The following RTN1 variants were observed in gnomAD, a reference collection of about 807,000 sequenced individuals.
The protein encoded by RTN1 is reticulon-1.
Under a neutral mutation model 65.5 loss-of-function variants are expected in RTN1, and 25 were observed. That is an observed-to-expected ratio of 0.38 (90% CI 0.28 to 0.53). RTN1 has a LOEUF of 0.53. Ranked by LOEUF, RTN1 falls within the 20% of genes least tolerant of loss-of-function variation. The probability of loss-of-function intolerance (pLI) is 0.79; values close to 1 mark genes in which losing one functional copy is unlikely to be tolerated. For synonymous variants in RTN1, 471 were observed against 447.6 expected (o/e 1.05, Z -0.66); for missense variants, 983 against 1,025.4 (o/e 0.96, Z 0.57).
intron 3 of RTN1, among the ~76,000 whole-genome samples, chr14:59,609,431 T>A (rs902724158): frequency 6.6e-6 from 1 of 152,182 alleles, no homozygotes; most frequent in Non-Finnish European, 1.5e-5. Flanking sequence ...TGATTTTTCT[T>A]TTAGAAGGGT....
chr14:59,625,951 A>C (rs1333898606), intron 3 of RTN1, among the ~76,000 whole-genome samples: 2 of 152,180 alleles, frequency 1.3e-5, no homozygotes, highest in Non-Finnish European at 1.5e-5. Flanking sequence ...TCCCCAGCTA[A>C]GGCAGTTTTC....
In RTN1 at chr14:59,726,944, TG is replaced by T; in HGVS notation, c.1739del (p.Pro580HisfsTer36). The T allele has an allele frequency of 6.2e-7, 1 of 1,612,810 alleles. No homozygotes were observed. Among genetic ancestry groups the T allele is most frequent in the Non-Finnish European group, 8.5e-7 (1 of 1,179,512 alleles). On this transcript the variant is annotated frameshift_variant, in exon 3 of 9. Coordinates refer to ENST00000267484, the MANE Select transcript of RTN1 (RefSeq NM_021136.3). LOFTEE classifies it high-confidence loss of function. ...CTTTTTGCTTATTGAGAAACAGCAG[TG>T]GGGGCGGGGCGCCAGGACCTAGAGG... ...PGPLGPGAPP[P>X]LLFLNKQKAI...
rs368545749 is a variant in RTN1, at chr14:59,715,111, G to T, written c.1765+11808C>A. On this transcript the variant is annotated intron_variant, in intron 3 of 8. Coordinates refer to ENST00000267484, the MANE Select transcript of RTN1 (RefSeq NM_021136.3). Reference sequence around the variant, plus strand: ...GAAACTTGTCCCTGGTACCAAAAGGGTTGGGGACTACTGATATAAACTACA... The same window carrying T: ...GAAACTTGTCCCTGGTACCAAAAGGTTTGGGGACTACTGATATAAACTACA... 4.7e-4 allele frequency among the ~76,000 whole-genome samples: 72 copies of T among 152,318 alleles called. No individual in the cohort carries two copies. In the South Asian group the frequency reaches 8.7e-3, roughly 18 times the overall value.
Position 59,727,097 on chromosome 14 carries a change from C to A in RTN1, c.1587G>T (p.Glu529Asp), listed in dbSNP as rs780538832. Residue 529 changes from glutamate (E) to aspartate (D), a missense_variant, in exon 3 of 9, where the codon GAG (glutamate) becomes GAT (aspartate). By Grantham distance (45) the Glu-to-Asp change is conservative. Transcript: ENST00000267484. The surrounding 1 kb of genome is among the most constrained non-coding windows in gnomAD (Gnocchi z 4.2). The stretch of plus-strand genomic sequence containing the variant: ...GGGGCAGCTCGGGGCCAGGCTGGGG[C>A]TCAGTTGAGGGGTAGTCGAGGAAGG... ...PGSFLDYPST[E>D]PQPGPELPPG... The A allele has an allele frequency of 3.1e-6, 5 of 1,611,092 alleles. No homozygotes were observed. Among genetic ancestry groups the A allele is most frequent in the Non-Finnish European group, 4.2e-6 (5 of 1,178,640 alleles).
Position 59,836,815 on chromosome 14 carries a change from G to A in RTN1, c.241+33575C>T, listed in dbSNP as rs1887220354. ...GTGCTTAGACAAACCAATCCAAAAGGTTCTAGGTGAAAAGGAAGGGAGTGA... is the reference window on the plus strand; with the variant it reads ...GTGCTTAGACAAACCAATCCAAAAGATTCTAGGTGAAAAGGAAGGGAGTGA... On this transcript the variant is annotated intron_variant, in intron 1 of 8. Coordinates refer to ENST00000267484, the MANE Select transcript of RTN1 (RefSeq NM_021136.3). The surrounding 1 kb of genome is among the most constrained non-coding windows in gnomAD (Gnocchi z 4.9). Among the ~76,000 whole-genome samples the A allele has an allele frequency of 6.6e-6, 1 of 152,086 alleles. No individual in the cohort carries two copies. The highest frequency in any genetic ancestry group is 2.4e-5 in the African/African-American group (1 of 41,402).
intron 3 of RTN1, among the ~76,000 whole-genome samples, chr14:59,670,247 T>G (rs1883474496): frequency 6.6e-6 from 1 of 152,206 alleles, no homozygotes; most frequent in South Asian, 2.1e-4. Flanking sequence ...GAATTAGATT[T>G]AAAATAATGA....
chr14:59,662,164 T>C (rs1883262985), intron 3 of RTN1, among the ~76,000 whole-genome samples: 1 of 90,060 alleles, frequency 1.1e-5, no homozygotes, highest in Non-Finnish European at 2.5e-5. Context: ...TTCTTTTTTC[T>C]TTTTTTTTTA....
At chr14:59,806,532 G>T (rs1203596799) in intron 1 of RTN1, among the ~76,000 whole-genome samples, 6 of 152,182 alleles carry the variant, frequency 3.9e-5, no homozygotes, top group African/African-American at 1.2e-4. Context: ...CTTGTGTCAT[G>T]GGGGTTTATA....
At chr14:59,697,514 T>C (rs1054247859) in intron 3 of RTN1, among the ~76,000 whole-genome samples, 1 of 152,160 alleles carries the variant, frequency 6.6e-6, no homozygotes, top group African/African-American at 2.4e-5. Flanking sequence ...ATGTAGGAAG[T>C]GAGTAATCAT....
chr14:59,824,965 T>C (rs943278782), intron 1 of RTN1, among the ~76,000 whole-genome samples: 2 of 152,152 alleles, frequency 1.3e-5, no homozygotes, highest in Non-Finnish European at 2.9e-5. Context: ...GAGAGTAGAA[T>C]GGTGGTTGTC....
chr14:59,674,516 A>C, intron 3 of RTN1, among the ~76,000 whole-genome samples: 1 of 152,258 alleles, frequency 6.6e-6, no homozygotes, highest in East Asian at 1.9e-4. Context: ...GATATTTTAA[A>C]GAGAGCTACA....
At chr14:59,720,836 A>G (rs1884632227) in intron 3 of RTN1, among the ~76,000 whole-genome samples, 1 of 152,096 alleles carries the variant, frequency 6.6e-6, no homozygotes, top group African/African-American at 2.4e-5. Flanking sequence ...TTACTGGTCC[A>G]TCTTGTTGAA....
chr14:59,766,120 C>T lies in RTN1; in HGVS notation c.242-19639G>A, dbSNP rs1594732785. The stretch of plus-strand genomic sequence containing the variant: ...TGGTACACACTTGTAGTCCCAGCTA[C>T]TTGGGAGGCTGAGGCAGGACTATTG... On this transcript the variant is annotated intron_variant, in intron 1 of 8. Coordinates refer to ENST00000267484, the MANE Select transcript of RTN1 (RefSeq NM_021136.3). This position sits in a 1 kb window ranked among gnomAD's most constrained non-coding sequence, Gnocchi z 4.4. Among the ~76,000 whole-genome samples, 2 of 152,010 alleles carry T rather than the reference C, an allele frequency of 1.3e-5. No homozygotes were observed. The highest frequency in any genetic ancestry group is 3.9e-4 in the East Asian group (2 of 5,186).
rs1393208853 is a variant in RTN1, at chr14:59,766,222, G to A, written c.242-19741C>T. On this transcript the variant is annotated intron_variant, in intron 1 of 8. Transcript: ENST00000267484. The surrounding 1 kb of genome is among the most constrained non-coding windows in gnomAD (Gnocchi z 4.4). Reference sequence around the variant, plus strand: ...TCCAGCCTGGGTGACAGAGTGAGACGCTGTCAAAAAAAAAAAATTCATTAA... The same window carrying A: ...TCCAGCCTGGGTGACAGAGTGAGACACTGTCAAAAAAAAAAAATTCATTAA... 3.6e-5 allele frequency among the ~76,000 whole-genome samples: 4 copies of A among 110,400 alleles called. No homozygotes were observed. The highest frequency in any genetic ancestry group is 2.7e-4 in the Admixed American group (3 of 10,952). The allele number at this position is 110,400 out of a possible 152,430, so 72.4% of individuals were successfully genotyped here.
chr14:59,628,753 G>GT (rs937565844), intron 3 of RTN1, among the ~76,000 whole-genome samples: 12 of 152,124 alleles, frequency 7.9e-5, no homozygotes, highest in Non-Finnish European at 1.3e-4. Flanking sequence ...AAGTCCATGT[G>GT]TTTTTTTAAA....
At chr14:59,784,437 G>A (rs372725447) in intron 1 of RTN1, among the ~76,000 whole-genome samples, 4 of 139,406 alleles carry the variant, frequency 2.9e-5, no homozygotes, top group South Asian at 4.4e-4. Flanking sequence ...GCGAAACTCC[G>A]TCTCAGAAAA....
chr14:59,742,838 G>A (rs1885140656), intron 2 of RTN1, among the ~76,000 whole-genome samples: 1 of 152,150 alleles, frequency 6.6e-6, no homozygotes, highest in Non-Finnish European at 1.5e-5. Context: ...ATCCTCTACT[G>A]TCTATGGGCA....
intron 3 of RTN1, among the ~76,000 whole-genome samples, chr14:59,611,771 T>G (rs1254690992): frequency 6.6e-6 from 1 of 152,188 alleles, no homozygotes; most frequent in Non-Finnish European, 1.5e-5. Flanking sequence ...GAGGATAGTT[T>G]GGAAGGGATA....
chr14:59,843,174 A>G (rs1887345614), intron 1 of RTN1, among the ~76,000 whole-genome samples: 3 of 152,262 alleles, frequency 2.0e-5, no homozygotes, highest in Admixed American at 2.0e-4. Context: ...ATGCACAATA[A>G]CATGAATGTT....
Sources: allele counts gnomAD v4.1 joint callset (sites outside exome capture counted in the v4.1 genomes callset), GRCh38; gene constraint gnomAD v4.1.1; non-coding constraint Gnocchi (gnomAD v3.1); transcripts MANE v1.5; gene names NCBI Gene and HGNC (gene_info 2026-07-23, HGNC 2026-07-21).